Variants in NXNL2 observed in about 807,000 individuals in gnomAD.
NXNL2 encodes the protein nucleoredoxin like 2.
Under a neutral mutation model 11.1 loss-of-function variants are expected in NXNL2, and 7 were observed. The observed-to-expected ratio is 0.63, with a 90% CI of 0.36 to 1.18. NXNL2 has a LOEUF of 1.18. Among genes scored for constraint, NXNL2 ranks in the 50% most tolerant of loss-of-function variants. NXNL2 has a pLI of 0.02. For missense variants in NXNL2, 233 were observed against 217.7 expected (o/e 1.07, Z -0.44); for synonymous variants, 109 against 101.8 (o/e 1.07, Z -0.42).
chr9:88,544,950 A>C lies in NXNL2; in HGVS notation c.*403A>C, dbSNP rs1490869729. ...GTATGCTTTCACAACTATCTTAATA[A>C]AGTTTGCAAGCTGTGTACTTTAATA... On this transcript the variant is annotated 3_prime_UTR_variant, in exon 2 of 2. Transcript: ENST00000375854. 2 of 960,526 alleles carry C rather than the reference A, an allele frequency of 2.1e-6. No individual in the cohort carries two copies. The highest frequency in any genetic ancestry group is 2.5e-6 in the Non-Finnish European group (2 of 806,744). 59.5% of individuals were successfully genotyped at this position (960,526 alleles called of 1,614,324 possible). A position where few individuals can be genotyped will look rare whatever the true frequency, so the allele number is the denominator to read the frequency against.
At chr9:88,570,986 AC>A in intron 1 of NXNL2, 1 of 335,652 alleles carries the variant, frequency 3.0e-6, no homozygotes, top group Non-Finnish European at 5.7e-6. Context: ...CAGGTGATCC[AC>A]CCGAGTTGGC....
At chr9:88,567,020 C>CTATT (rs10665172) in intron 1 of NXNL2, among the ~76,000 whole-genome samples, 1 of 149,582 alleles carries the variant, frequency 6.7e-6, no homozygotes, top group Admixed American at 6.7e-5. Flanking sequence ...ATCTATCTAT[C>CTATT]ATCTAATATG....
chr9:88,579,862 G>A (rs1830390091), downstream of NXNL2, among the ~76,000 whole-genome samples: 1 of 152,150 alleles, frequency 6.6e-6, no homozygotes, highest in South Asian at 2.1e-4. Context: ...AGGGCGCGGT[G>A]GCTCACGCCT....
At chr9:88,583,517 G>A (rs768086395) in intron 1 of NXNL2, among the ~76,000 whole-genome samples, 1 of 152,176 alleles carries the variant, frequency 6.6e-6, no homozygotes, top group Non-Finnish European at 1.5e-5. Context: ...CTGTTCACGG[G>A]TGACTCCACC....
rs572021245 is a variant in NXNL2 at position 88,543,961 on chromosome 9, G to A, written c.303-418G>A. ...AAGGCGGGCAGATCACTTGAGGCCCGGAGGTCGAGGCCAGTCTGGCCAACA... is the reference window on the plus strand; with the variant it reads ...AAGGCGGGCAGATCACTTGAGGCCCAGAGGTCGAGGCCAGTCTGGCCAACA... On this transcript the variant is annotated intron_variant, in intron 1 of 1. Coordinates refer to ENST00000375854, the MANE Select transcript of NXNL2 (RefSeq NM_001161625.2). Among the ~76,000 whole-genome samples, 341 of 152,312 alleles carry A rather than the reference G, an allele frequency of 2.2e-3. 2 individuals carry two copies. Among genetic ancestry groups the A allele is most frequent in the Non-Finnish European group, 3.8e-3 (259 of 68,034 alleles).
At chr9:88,562,700 T>C (rs1384570194) in intron 1 of NXNL2, among the ~76,000 whole-genome samples, 2 of 147,336 alleles carry the variant, frequency 1.4e-5, no homozygotes. Flanking sequence ...TGCAGTGAGC[T>C]GAGATTATGC....
rs374294611 is a variant in NXNL2 at position 88,562,313 on chromosome 9, G to A, written c.303-8774G>A. ...AAATGCAAAGGGCACCCAAGGGTGC[G>A]GCTGGGGGCGGCTGGGAGTGCTGGA... On this transcript the variant is annotated intron_variant, in intron 1 of 2. Coordinates refer to the NXNL2 transcript ENST00000375855. Among the ~76,000 whole-genome samples the A allele has an allele frequency of 5.5e-4, 83 of 152,234 alleles. No individual in the cohort carries two copies. The South Asian group carries it at 8.9e-3, about 16-fold the overall frequency.
At chr9:88,574,538 C>T (rs1178902055) in intron 2 of NXNL2, among the ~76,000 whole-genome samples, 1 of 152,142 alleles carries the variant, frequency 6.6e-6, no homozygotes, top group East Asian at 1.9e-4. Flanking sequence ...TGATTGCATT[C>T]TTTTGAGTTT....
At chr9:88,563,937 G>A (rs1053807962) in intron 1 of NXNL2, among the ~76,000 whole-genome samples, 12 of 151,706 alleles carry the variant, frequency 7.9e-5, no homozygotes, top group Admixed American at 3.3e-4. Flanking sequence ...TGGGCCGGGC[G>A]CGGTGGTTCA....
chr9:88,548,339 CAAAAAAAAAAAAAAAAAAAAAA>C (rs60796870), downstream of NXNL2, among the ~76,000 whole-genome samples: 20 of 31,068 alleles, frequency 6.4e-4, no homozygotes, highest in South Asian at 7.2e-3. Flanking sequence ...GACTTTTTCT[CAAAAAAAAAAAAAAAAAAAAAA>C]AAAAAAAAAA....
chr9:88,560,027 G>A (rs1830067179), intron 1 of NXNL2, among the ~76,000 whole-genome samples: 1 of 152,136 alleles, frequency 6.6e-6, no homozygotes, highest in Non-Finnish European at 1.5e-5. Flanking sequence ...GGATCTAGTG[G>A]GGCTCATGGA....
chr9:88,582,337 C>T (rs187408512), intron 1 of NXNL2, among the ~76,000 whole-genome samples: 1,752 of 152,094 alleles, frequency 0.012, 37 homozygotes, highest in African/African-American at 0.04. Flanking sequence ...GGCATGGTGG[C>T]GGGCGCCTGT....
chr9:88,553,852 T>C (rs1344621628), intron 1 of NXNL2, among the ~76,000 whole-genome samples: 2 of 152,258 alleles, frequency 1.3e-5, no homozygotes, highest in African/African-American at 4.8e-5. Flanking sequence ...ATGTTCTTTT[T>C]GCTTTTCTAT....
At chr9:88,580,152 TC>T (rs1384146570), downstream of NXNL2, among the ~76,000 whole-genome samples, 5 of 144,770 alleles carry the variant, frequency 3.5e-5, no homozygotes, top group East Asian at 6.9e-4. Flanking sequence ...AAAAAAAAAT[TC>T]TTTTTTTTTT....
rs373402062 is a variant in NXNL2, at chr9:88,535,767, G to T, written c.302+31G>T. 190 of 1,503,644 alleles carry T rather than the reference G, an allele frequency of 1.3e-4. No individual in the cohort carries two copies. In the Middle Eastern group the frequency reaches 2.5e-3, roughly 20 times the overall value. 93.1% of individuals were successfully genotyped at this position (1,503,644 alleles called of 1,614,324 possible). A position where few individuals can be genotyped will look rare whatever the true frequency, so the allele number is the denominator to read the frequency against. On this transcript the variant is annotated intron_variant, in intron 1 of 1. Transcript: ENST00000375854. ...TGGGGGTCCTGGGGGGGCGGGGGCC[G>T]CCCGGCACGTCTCCCCCATGTTCCC...
chr9:88,549,774 G>A (rs946914933), downstream of NXNL2, among the ~76,000 whole-genome samples: 4 of 152,306 alleles, frequency 2.6e-5, no homozygotes, highest in South Asian at 2.1e-4. Context: ...GGTGAAAGGC[G>A]AGCAGGCATG....
At chr9:88,578,385 A>G (rs376032362), downstream of NXNL2, among the ~76,000 whole-genome samples, 14 of 152,310 alleles carry the variant, frequency 9.2e-5, no homozygotes, top group East Asian at 1.5e-3. Flanking sequence ...AGTTGGACAA[A>G]TGTGTGAATT....
At chr9:88,548,682 CAAAAA>C (rs34096783), downstream of NXNL2, among the ~76,000 whole-genome samples, 6 of 78,892 alleles carry the variant, frequency 7.6e-5, no homozygotes, top group African/African-American at 1.5e-4. Flanking sequence ...GACTCTGTCT[CAAAAA>C]AAAAAAAAAA....
At chr9:88,568,927 T>A (rs1235838356) in intron 1 of NXNL2, among the ~76,000 whole-genome samples, 1 of 150,876 alleles carries the variant, frequency 6.6e-6, no homozygotes, top group African/African-American at 2.5e-5. Context: ...TTACATCTCT[T>A]GATGAATTTT....
Sources: gnomAD v4.1 joint callset for allele counts (sites outside exome capture counted in the v4.1 genomes callset) on GRCh38, gnomAD v4.1.1 for gene constraint, MANE v1.5 for transcripts, NCBI Gene and HGNC (gene_info 2026-07-23, HGNC 2026-07-21) for gene names.